Variants in PIK3AP1 observed in about 807,000 individuals in gnomAD.
The protein encoded by PIK3AP1 is phosphoinositide 3-kinase adapter protein 1.
Under a neutral mutation model 88.1 loss-of-function variants are expected in PIK3AP1, and 21 were observed. The ratio of observed to expected loss-of-function variants is 0.24; its 90% CI spans 0.17 to 0.34. The LOEUF (loss-of-function observed/expected upper bound fraction) is 0.34, where lower values mean the gene tolerates loss of function less well. Among genes scored for constraint, PIK3AP1 ranks in the 10% least tolerant of loss-of-function variants. PIK3AP1 has a pLI of 1.00. For synonymous variants in PIK3AP1, 398 were observed against 400.0 expected (o/e 1.00, Z 0.06); for missense variants, 828 against 1,035.7 (o/e 0.80, Z 2.75).
At chr10:96,612,614 C>T (rs1431347839) in intron 13 of PIK3AP1, among the ~76,000 whole-genome samples, 1 of 152,104 alleles carries the variant, frequency 6.6e-6, no homozygotes, top group Admixed American at 6.5e-5. Context: ...AAATGCTGCC[C>T]TTCAACCTCA....
At chr10:96,620,705 T>C in intron 11 of PIK3AP1, 148 bp from the exon 12 acceptor site, 1 of 658,144 alleles carries the variant, frequency 1.5e-6, no homozygotes, top group Non-Finnish European at 2.6e-6. Flanking sequence ...AGATACAACA[T>C]AAAATCAGGG....
At chr10:96,614,464 G>A (rs1008705619) in intron 13 of PIK3AP1, among the ~76,000 whole-genome samples, 12 of 151,278 alleles carry the variant, frequency 7.9e-5, no homozygotes, top group East Asian at 3.9e-4. Context: ...CTCAGCCACC[G>A]GCAGCATAAA....
At chr10:96,596,548 T>C (rs1345674152) in intron 16 of PIK3AP1, among the ~76,000 whole-genome samples, 2 of 152,154 alleles carry the variant, frequency 1.3e-5, no homozygotes, top group Non-Finnish European at 2.9e-5. Context: ...CACACTGTAG[T>C]AGGGAGATTT....
At chr10:96,601,953 G>A (rs1226436576) in intron 16 of PIK3AP1, among the ~76,000 whole-genome samples, 1 of 151,960 alleles carries the variant, frequency 6.6e-6, no homozygotes, top group Non-Finnish European at 1.5e-5. Flanking sequence ...GCATGATCTC[G>A]GCTCACTGCA....
intron 8 of PIK3AP1, among the ~76,000 whole-genome samples, chr10:96,628,863 C>CATATAT (rs1564961094): frequency 3.2e-4 from 5 of 15,798 alleles, no homozygotes; most frequent in Non-Finnish European, 9.8e-4. Flanking sequence ...TATACACACA[C>CATATAT]ACATATATAC....
intron 8 of PIK3AP1, among the ~76,000 whole-genome samples, chr10:96,645,140 A>T (rs1206357767): frequency 6.6e-6 from 1 of 152,206 alleles, no homozygotes. Flanking sequence ...CTCATGTCAG[A>T]GTAGGAAAAT....
At chr10:96,608,729 A>G (rs533251135) in intron 14 of PIK3AP1, among the ~76,000 whole-genome samples, 3 of 152,336 alleles carry the variant, frequency 2.0e-5, no homozygotes, top group East Asian at 3.9e-4. Context: ...CAAAGTATGT[A>G]TCAGATTCTC....
In PIK3AP1 at chr10:96,639,060, A is replaced by C. The variant is rs371613390; in HGVS notation, c.1375+6413T>G. Among the ~76,000 whole-genome samples the C allele has an allele frequency of 4.6e-5, 7 of 152,232 alleles. No homozygotes were observed. The East Asian group carries it at 1.2e-3, about 25-fold the overall frequency. ...TGGGCATTTCTCAAGCCGAGAAAAG[A>C]GAAAGGCAATTTAGGCAGAAGGAAG... is the stretch of plus-strand genomic sequence containing the variant. On this transcript the variant is annotated intron_variant, in intron 8 of 16. Coordinates refer to ENST00000339364, the MANE Select transcript of PIK3AP1 (RefSeq NM_152309.3).
At position 96,609,821 on chromosome 10, in the gene PIK3AP1, T is replaced by A; in HGVS notation, c.2061A>T (p.Ala687=). 6.2e-7 allele frequency: 1 copy of A among 1,614,192 alleles called. No individual in the cohort carries two copies. Among genetic ancestry groups the A allele is most frequent in the Non-Finnish European group, 8.5e-7 (1 of 1,180,016 alleles). ...TCTCATAGACTCCAAACTCCACTTT[T>A]GCAGGCAGGTGCTGTGAGTGCCGAA... The part of the protein sequence containing the change: ...VPIRHSQHLP[A]KVEFGVYESG... The change falls in exon 14 of 17, where the codon GCA becomes GCT. Residue 687 remains alanine, a synonymous_variant. Coordinates refer to ENST00000339364, the MANE Select transcript of PIK3AP1 (RefSeq NM_152309.3).
At chr10:96,604,344 A>ATTTTTTTTTTTTTTTTTTT (rs66487275) in intron 14 of PIK3AP1, among the ~76,000 whole-genome samples, 2 of 77,126 alleles carry the variant, frequency 2.6e-5, no homozygotes, top group Admixed American at 1.8e-4. Flanking sequence ...CACCTAGCCA[A>ATTTTTTTTTTTTTTTTTTT]TTTTTTTTTT....
At chr10:96,634,933 C>T (rs1224203703) in intron 8 of PIK3AP1, among the ~76,000 whole-genome samples, 1 of 152,130 alleles carries the variant, frequency 6.6e-6, no homozygotes, top group African/African-American at 2.4e-5. Flanking sequence ...AGCACTAGGC[C>T]GTCTTCTGCC....
At chr10:96,656,085 C>A (rs1843611165) in intron 3 of PIK3AP1, among the ~76,000 whole-genome samples, 1 of 152,216 alleles carries the variant, frequency 6.6e-6, no homozygotes, top group African/African-American at 2.4e-5. Flanking sequence ...CCTCAAGGAG[C>A]CTGCAAAGCC....
chr10:96,622,400 G>C (rs1302955359), intron 11 of PIK3AP1, among the ~76,000 whole-genome samples: 1 of 152,160 alleles, frequency 6.6e-6, no homozygotes, highest in Admixed American at 6.5e-5. Context: ...TTCATACAAG[G>C]CTATTTGGAT....
chr10:96,648,713 G>T lies in PIK3AP1; in HGVS notation c.1131C>A (p.Thr377=), dbSNP rs1157980692. Residue 377 remains threonine (T), a synonymous_variant, in exon 7 of 17, where the codon ACC becomes ACA. Transcript: ENST00000339364. The stretch of plus-strand genomic sequence containing the variant: ...CCCTGAAGCCGTGTTTCTCAGCGAT[G>T]GTGTTGGGGTAGTGGCCATGCTTGT... ...VANKHGHYPN[T]IAEKHGFRDL... is the part of the protein sequence containing the mutation. 1.2e-6 allele frequency: 2 copies of T among 1,610,024 alleles called. No individual in the cohort carries two copies. Among genetic ancestry groups the T allele is most frequent in the Non-Finnish European group, 1.7e-6 (2 of 1,178,392 alleles).
intron 2 of PIK3AP1, among the ~76,000 whole-genome samples, chr10:96,667,377 G>A (rs1843778482): frequency 6.6e-6 from 1 of 152,212 alleles, no homozygotes; most frequent in Non-Finnish European, 1.5e-5. Flanking sequence ...GCATAAACAA[G>A]CATGGTTCTT....
Position 96,628,505 on chromosome 10 carries a change from A to G in PIK3AP1, c.1376-12T>C. 6.3e-7 allele frequency: 1 copy of G among 1,591,678 alleles called. No individual in the cohort carries two copies. Among genetic ancestry groups the G allele is most frequent in the Non-Finnish European group, 8.6e-7 (1 of 1,159,632 alleles). On this transcript the variant is annotated splice_polypyrimidine_tract_variant and intron_variant, in intron 8 of 16. Coordinates refer to ENST00000339364, the MANE Select transcript of PIK3AP1 (RefSeq NM_152309.3). ...AAGCATTTCAACATCTAGAAGGAAA[A>G]GGAGACTAAGAGTTATATATTGGTC...
intron 2 of PIK3AP1, among the ~76,000 whole-genome samples, chr10:96,682,013 TAGAG>T (rs55857679): frequency 0.066 from 7,181 of 108,362 alleles, 167 homozygotes; most frequent in South Asian, 0.091. Context: ...TATATATATA[TAGAG>T]AGAGAGAGAG....
chr10:96,610,768 G>A (rs1244338561), intron 13 of PIK3AP1, among the ~76,000 whole-genome samples: 1 of 152,190 alleles, frequency 6.6e-6, no homozygotes, highest in Non-Finnish European at 1.5e-5. Flanking sequence ...TCTAGGAGCA[G>A]AAAACAGTAA....
chr10:96,674,898 T>C (rs1030076844), intron 2 of PIK3AP1, among the ~76,000 whole-genome samples: 1 of 152,236 alleles, frequency 6.6e-6, no homozygotes, highest in African/African-American at 2.4e-5. Context: ...TGTTTTGTTT[T>C]GTTTTGTTTT....
Sources: gnomAD v4.1 joint callset for allele counts (sites outside exome capture counted in the v4.1 genomes callset) on GRCh38, gnomAD v4.1.1 for gene constraint, MANE v1.5 for transcripts, NCBI Gene and HGNC (gene_info 2026-07-23, HGNC 2026-07-21) for gene names.